Variants in C1D observed in about 807,000 individuals in gnomAD.
C1D encodes nuclear nucleic acid-binding protein C1D.
In C1D, 10 loss-of-function variants were observed where a neutral mutation model predicts 17.5. The observed-to-expected ratio is 0.57, with a 90% CI of 0.35 to 0.97. The LOEUF (loss-of-function observed/expected upper bound fraction) is 0.97, where lower values mean the gene tolerates loss of function less well. C1D is among the 50% of genes least tolerant of loss of function. C1D has a pLI of 0.01. For missense variants in C1D, 136 were observed against 160.1 expected (o/e 0.85, Z 0.81); for synonymous variants, 49 against 54.0 (o/e 0.91, Z 0.40).
At chr2:68,062,180 T>C (rs1412243300) in intron 1 of C1D, among the ~76,000 whole-genome samples, 1 of 152,222 alleles carries the variant, frequency 6.6e-6, no homozygotes, top group Admixed American at 6.5e-5. Flanking sequence ...TATATACACC[T>C]ATGTACCCAC....
chr2:68,052,929 A>G, intron 1 of C1D: 1 of 1,221,240 alleles, frequency 8.2e-7, no homozygotes, highest in Non-Finnish European at 1.1e-6. Flanking sequence ...ATTATGTGCC[A>G]GGCACTACTC....
At chr2:68,060,679 A>G (rs1671602602) in intron 1 of C1D, among the ~76,000 whole-genome samples, 1 of 152,012 alleles carries the variant, frequency 6.6e-6, no homozygotes, top group African/African-American at 2.4e-5. Flanking sequence ...AGGGCGGGCA[A>G]GGGCAGAGCA....
chr2:68,056,918 A>G (rs1671453715), intron 1 of C1D, among the ~76,000 whole-genome samples: 1 of 152,206 alleles, frequency 6.6e-6, no homozygotes, highest in Non-Finnish European at 1.5e-5. Flanking sequence ...CTCAAAGTAT[A>G]TTTTAGCGCA....
intron 1 of C1D, among the ~76,000 whole-genome samples, chr2:68,053,603 G>A (rs1435014249): frequency 6.6e-6 from 1 of 152,192 alleles, no homozygotes; most frequent in African/African-American, 2.4e-5. Flanking sequence ...GTCTGGTCAT[G>A]GTACTCCTCT....
rs1198281118 is a variant in C1D at position 68,041,589 on chromosome 2, T to C, written c.*1300A>G. 1 of 152,048 alleles carries C rather than the reference T, an allele frequency of 6.6e-6. No individual in the cohort carries two copies. Among genetic ancestry groups the C allele is most frequent in the Admixed American group, 6.5e-5 (1 of 15,268 alleles). 9.4% of individuals were successfully genotyped at this position (152,048 alleles called of 1,614,324 possible). ...GACATCAGAGACAGAAAAGACCTTC[T>C]GCGTCTATCAGTGACTTCCTCTTCA... On this transcript the variant is annotated 3_prime_UTR_variant, in exon 5 of 5. Transcript: ENST00000410067.
chr2:68,052,469 T>A (rs1347299329), intron 1 of C1D, among the ~76,000 whole-genome samples: 1 of 152,200 alleles, frequency 6.6e-6, no homozygotes, highest in Non-Finnish European at 1.5e-5. Flanking sequence ...AAGGTCTTTA[T>A]TTAAATGTGA....
chr2:68,053,399 C>T (rs1477807277), intron 1 of C1D: 3 of 542,338 alleles, frequency 5.5e-6, no homozygotes, highest in Non-Finnish European at 9.2e-6. Context: ...TTCAGGGTGG[C>T]CAATCCAGGC....
chr2:68,054,295 T>G (rs1671375161), intron 1 of C1D, among the ~76,000 whole-genome samples: 1 of 152,188 alleles, frequency 6.6e-6, no homozygotes, highest in African/African-American at 2.4e-5. Context: ...TCAGAGGAGT[T>G]ACCCTTTGCA....
intron 1 of C1D, 58 bp from the exon 2 acceptor site, chr2:68,047,377 C>CA: frequency 1.4e-6 from 2 of 1,384,422 alleles, no homozygotes; most frequent in Non-Finnish European, 1.9e-6. Flanking sequence ...TCTTTAGTTT[C>CA]CAAAAAAAAA....
intron 1 of C1D, among the ~76,000 whole-genome samples, chr2:68,053,698 C>T (rs554402336): frequency 2.6e-5 from 4 of 152,286 alleles, no homozygotes; most frequent in South Asian, 2.1e-4. Flanking sequence ...TATGATGTGG[C>T]CCTTGCTTGT....
intron 1 of C1D, among the ~76,000 whole-genome samples, chr2:68,050,395 C>T (rs939646412): frequency 6.6e-6 from 1 of 152,062 alleles, no homozygotes; most frequent in African/African-American, 2.4e-5. Flanking sequence ...GATGCTTATA[C>T]TAACAGTCTC....
chr2:68,042,720 A>C lies in C1D; in HGVS notation c.*169T>G, dbSNP rs1670994342. On this transcript the variant is annotated 3_prime_UTR_variant, in exon 5 of 5. Coordinates refer to ENST00000410067, the MANE Select transcript of C1D (RefSeq NM_173177.3). ...TTAAAATCCTCAGTGCTAATCAATA[A>C]AGATAATGATCTTTGGAGAGGAAAG... 6.2e-6 allele frequency: 3 copies of C among 486,900 alleles called. No individual in the cohort carries two copies. Among genetic ancestry groups the C allele is most frequent in the Non-Finnish European group, 1.2e-5 (3 of 260,326 alleles). The allele number at this position is 486,900 out of a possible 1,614,324, so 30.2% of individuals were successfully genotyped here. A position where few individuals can be genotyped will look rare whatever the true frequency, so the allele number is the denominator to read the frequency against.
In C1D at chr2:68,043,037, T is replaced by C. The variant is rs776607723; in HGVS notation, c.278A>G (p.Tyr93Cys). The C allele has an allele frequency of 2.3e-5, 37 of 1,596,028 alleles. No homozygotes were observed. The highest frequency in any genetic ancestry group is 2.2e-4 in the South Asian group (19 of 87,628). ...VKQELERIRVYMNRVKEITDK... is the reference protein window; with the variant it reads ...VKQELERIRVCMNRVKEITDK... ...TGTTATTTCCTTGACTCTGTTCATA[T>C]ATACTCTGATTCTTTCCTTAAAGAT... The change falls in exon 5 of 5, where the codon TAT (tyrosine) becomes TGT (cysteine). Residue 93 changes from tyrosine to cysteine, a missense_variant. Tyr to Cys is a radical substitution (Grantham distance 194). Coordinates refer to ENST00000410067, the MANE Select transcript of C1D (RefSeq NM_173177.3).
intron 1 of C1D, among the ~76,000 whole-genome samples, chr2:68,061,591 A>C (rs1054409635): frequency 6.6e-6 from 1 of 152,244 alleles, no homozygotes; most frequent in Non-Finnish European, 1.5e-5. Context: ...CTGAAATAAG[A>C]GTATATAGTG....
rs1384840120 is a variant in C1D at position 68,042,913 on chromosome 2, G to A, written c.402C>T (p.Ala134=). 4.1e-6 allele frequency: 6 copies of A among 1,459,538 alleles called. No homozygotes were observed. Among genetic ancestry groups the A allele is most frequent in the Non-Finnish European group, 5.5e-6 (6 of 1,092,712 alleles). The allele number at this position is 1,459,538 out of a possible 1,614,324, so 90.4% of individuals were successfully genotyped here. A position where few individuals can be genotyped will look rare whatever the true frequency, so the allele number is the denominator to read the frequency against. Residue 134 remains alanine, a synonymous_variant, in exon 5 of 5, where the codon GCC becomes GCT. Transcript: ENST00000410067. ...EPKSKNASKV[A]NKGKSKS ...GTTAACTTTTACTTTTTCCTTTATTGGCAACTTTTGATGCATTTTTCGATT... is the reference window on the plus strand; with the variant it reads ...GTTAACTTTTACTTTTTCCTTTATTAGCAACTTTTGATGCATTTTTCGATT...
intron 2 of C1D, chr2:68,046,630 GTATCATCTT>G: frequency 2.1e-6 from 1 of 472,244 alleles, no homozygotes; most frequent in South Asian, 3.3e-5. Context: ...TCACCTTAGG[GTATCATCTT>G]TAGTTAGACA....
At chr2:68,046,580 AAAG>A (rs1671128536) in intron 2 of C1D, 170 bp from the exon 3 acceptor site, 5 of 529,222 alleles carry the variant, frequency 9.4e-6, no homozygotes, top group South Asian at 6.0e-5. Context: ...TAATTTGTAA[AAAG>A]AAGTTTTCTT....
chr2:68,045,857 A>C (rs544618817), intron 4 of C1D, 131 bp downstream of exon 4: 64 of 608,084 alleles, frequency 1.1e-4, no homozygotes, highest in Non-Finnish European at 1.6e-4. Context: ...ACCCAAAGAT[A>C]ATAAGGTCTG....
chr2:68,059,272 C>T (rs970592221), intron 1 of C1D, among the ~76,000 whole-genome samples: 14 of 152,176 alleles, frequency 9.2e-5, no homozygotes, highest in Admixed American at 2.0e-4. Flanking sequence ...TTCAATCTGC[C>T]TCCATGACCC....
Sources: gnomAD v4.1 joint callset for allele counts (sites outside exome capture counted in the v4.1 genomes callset) on GRCh38, gnomAD v4.1.1 for gene constraint, MANE v1.5 for transcripts, NCBI Gene and HGNC (gene_info 2026-07-23, HGNC 2026-07-21) for gene names.